DOK6: variants seen among roughly 807,000 people sequenced by gnomAD.
DOK6 encodes the protein docking protein 6.
Under a neutral mutation model 44.0 loss-of-function variants are expected in DOK6, and 22 were observed. The observed-to-expected ratio is 0.50, with a 90% CI of 0.36 to 0.71. The LOEUF (loss-of-function observed/expected upper bound fraction) is 0.71. Among genes scored for constraint, DOK6 ranks in the 30% least tolerant of loss-of-function variants. The pLI, the probability that DOK6 is intolerant of heterozygous loss-of-function variation, is 0.00. For missense variants in DOK6, 340 were observed against 416.4 expected (o/e 0.82, Z 1.60); for synonymous variants, 166 against 145.5 (o/e 1.14, Z -1.01).
At position 69,842,956 on chromosome 18, in the gene DOK6, C is replaced by CT. The variant is rs1982265786; in HGVS notation, c.*1579dup. The CT allele has an allele frequency of 6.6e-6, 1 of 151,824 alleles. No individual in the cohort carries two copies. The highest frequency in any genetic ancestry group is 6.6e-5 in the Admixed American group (1 of 15,246). The allele number at this position is 151,824 out of a possible 1,614,324, so 9.4% of individuals were successfully genotyped here. A position where few individuals can be genotyped will look rare whatever the true frequency, so the allele number is the denominator to read the frequency against. On this transcript the variant is annotated 3_prime_UTR_variant, in exon 8 of 8. Transcript: ENST00000382713. The stretch of plus-strand genomic sequence containing the variant: ...CCAAATTAGTCTGTTGAAAGGGTAC[C>CT]TTTTTTGCTGATCTCTGATGAGTTG...
intron 3 of DOK6, among the ~76,000 whole-genome samples, chr18:69,638,488 C>CTTTTTTTTGGGTATACTTATTCT (rs1984862085): frequency 6.7e-6 from 1 of 148,922 alleles, no homozygotes; most frequent in Non-Finnish European, 1.5e-5. Flanking sequence ...TATACTTATT[C>CTTTTTTTTGGGTATACTTATTCT]TTTTTTTTTT....
intron 7 of DOK6, chr18:69,832,527 C>T (rs1981930673): frequency 6.6e-6 from 1 of 151,978 alleles, no homozygotes; most frequent in South Asian, 2.1e-4. Context: ...GTATCAGAGT[C>T]ATACTTGCCT....
At chr18:69,804,065 G>GGATT (rs1378514074) in intron 7 of DOK6, among the ~76,000 whole-genome samples, 1 of 152,108 alleles carries the variant, frequency 6.6e-6, no homozygotes, top group African/African-American at 2.4e-5. Flanking sequence ...GTCAGAAAGA[G>GGATT]GATTGATTTT....
At chr18:69,569,659 C>G (rs924773245) in intron 2 of DOK6, among the ~76,000 whole-genome samples, 2 of 152,136 alleles carry the variant, frequency 1.3e-5, no homozygotes, top group African/African-American at 4.8e-5. Context: ...TGAAAATATC[C>G]TTACTCTTTT....
rs1458151524 is a variant in DOK6 at position 69,686,985 on chromosome 18, T to TATA, written c.409+9132_409+9133insATA. Among the ~76,000 whole-genome samples, 34 of 152,140 alleles carry TATA rather than the reference T, an allele frequency of 2.2e-4. No individual in the cohort carries two copies. In the Middle Eastern group the frequency reaches 0.01, roughly 46 times the overall value. On this transcript the variant is annotated intron_variant, in intron 4 of 7. Coordinates refer to ENST00000382713, the MANE Select transcript of DOK6 (RefSeq NM_152721.6). ...ATAGTTGTTAAGTTATATCAGACAC[T>TATA]TAAATAAGAAATAATACTAATGCTA...
At chr18:69,790,441 A>G (rs1182550668) in intron 7 of DOK6, among the ~76,000 whole-genome samples, 1 of 152,184 alleles carries the variant, frequency 6.6e-6, no homozygotes, top group African/African-American at 2.4e-5. Context: ...TTTTTAAAAA[A>G]TTGCTGTGTT....
chr18:69,514,840 T>TATATATA (rs369277915), intron 1 of DOK6, among the ~76,000 whole-genome samples: 1,311 of 119,870 alleles, frequency 0.011, 8 homozygotes, highest in African/African-American at 0.026. Flanking sequence ...TCCATATATA[T>TATATATA]TTTTTTTTTT....
chr18:69,717,506 T>G (rs1168060406), intron 5 of DOK6, among the ~76,000 whole-genome samples: 2 of 152,234 alleles, frequency 1.3e-5, no homozygotes, highest in Non-Finnish European at 2.9e-5. Context: ...GGACATCATT[T>G]TCTTTGAAAA....
Position 69,748,083 on chromosome 18 carries a change from G to A in DOK6, c.738+8980G>A, listed in dbSNP as rs533225238. ...AAGCAAATTGAAAACAAAAAAGCAG[G>A]GGTTACAATCCTGGTTTCTGACAAA... is the stretch of plus-strand genomic sequence containing the variant. On this transcript the variant is annotated intron_variant, in intron 6 of 7. Coordinates refer to ENST00000382713, the MANE Select transcript of DOK6 (RefSeq NM_152721.6). Among the ~76,000 whole-genome samples, 3 of 152,028 alleles carry A rather than the reference G, an allele frequency of 2.0e-5. No homozygotes were observed. The East Asian group carries it at 5.8e-4, about 29-fold the overall frequency.
intron 6 of DOK6, among the ~76,000 whole-genome samples, chr18:69,751,799 T>C (rs1015146144): frequency 6.6e-6 from 1 of 151,700 alleles, no homozygotes; most frequent in African/African-American, 2.4e-5. Context: ...GAGGCCAGGG[T>C]TCCAGAGCAG....
chr18:69,732,124 TA>T (rs1016293419), intron 5 of DOK6, among the ~76,000 whole-genome samples: 1 of 152,196 alleles, frequency 6.6e-6, no homozygotes, highest in Non-Finnish European at 1.5e-5. Flanking sequence ...AGAAAATCAA[TA>T]CTTTTTATTT....
intron 3 of DOK6, among the ~76,000 whole-genome samples, chr18:69,634,548 T>C (rs1424517226): frequency 1.3e-5 from 2 of 152,228 alleles, no homozygotes; most frequent in African/African-American, 2.4e-5. Flanking sequence ...ACTCATTTCT[T>C]TTCTGTGAAT....
chr18:69,841,282 A>C lies in DOK6; in HGVS notation c.895A>C (p.Thr299Pro). The C allele has an allele frequency of 6.2e-7, 1 of 1,614,190 alleles. No individual in the cohort carries two copies. Among genetic ancestry groups the C allele is most frequent in the Non-Finnish European group, 8.5e-7 (1 of 1,180,024 alleles). ...FGSSKMSRAQ[T>P]FPSYAPEQSE... Reference sequence around the variant, plus strand: ...TTCGTCAAAGATGTCTCGTGCACAGACATTTCCCAGCTACGCCCCAGAACA... The same window carrying C: ...TTCGTCAAAGATGTCTCGTGCACAGCCATTTCCCAGCTACGCCCCAGAACA... The change falls in exon 8 of 8, where the codon ACA becomes CCA. Residue 299 changes from threonine (T) to proline (P), a missense_variant. Thr to Pro is a conservative substitution (Grantham distance 38). Around this residue, in one of 3 missense-constraint regions of DOK6, gnomAD observed 112 missense variants for 109.3 expected, o/e 1.02. Coordinates refer to ENST00000382713, the MANE Select transcript of DOK6 (RefSeq NM_152721.6).
intron 7 of DOK6, among the ~76,000 whole-genome samples, chr18:69,823,846 TG>T (rs899271104): frequency 2.6e-5 from 4 of 152,114 alleles, no homozygotes; most frequent in African/African-American, 9.6e-5. Context: ...TGGAAAGAAC[TG>T]TCTACAAAAA....
intron 3 of DOK6, among the ~76,000 whole-genome samples, chr18:69,655,203 G>A (rs920361687): frequency 6.6e-5 from 10 of 151,922 alleles, no homozygotes; most frequent in Middle Eastern, 3.2e-3. Flanking sequence ...ACAAAAAAGC[G>A]AATTAGCATC....
At chr18:69,801,314 T>G (rs1980900323) in intron 7 of DOK6, among the ~76,000 whole-genome samples, 1 of 152,210 alleles carries the variant, frequency 6.6e-6, no homozygotes, top group African/African-American at 2.4e-5. Context: ...GTCAGGCATC[T>G]AGGTTGTTTC....
intron 1 of DOK6, among the ~76,000 whole-genome samples, chr18:69,436,244 G>A (rs994706792): frequency 6.6e-5 from 10 of 150,594 alleles, no homozygotes; most frequent in South Asian, 2.1e-4. Context: ...AGGTATACGC[G>A]TGCCATGGTG....
At chr18:69,476,346 G>A (rs1444603908) in intron 1 of DOK6, among the ~76,000 whole-genome samples, 1 of 152,098 alleles carries the variant, frequency 6.6e-6, no homozygotes, top group African/African-American at 2.4e-5. Flanking sequence ...CATTTTCTAG[G>A]TATTCCTACG....
chr18:69,639,851 C>T (rs1984897399), intron 3 of DOK6, among the ~76,000 whole-genome samples: 1 of 152,132 alleles, frequency 6.6e-6, no homozygotes, highest in Non-Finnish European at 1.5e-5. Flanking sequence ...CTATTATTTT[C>T]CTATTTCTTT....
Sources: allele counts gnomAD v4.1 joint callset (sites outside exome capture counted in the v4.1 genomes callset), GRCh38; gene constraint gnomAD v4.1.1; regional missense constraint gnomAD v4.1.1; transcripts MANE v1.5; gene names NCBI Gene and HGNC (gene_info 2026-07-23, HGNC 2026-07-21).